The following CHST9 variants were observed in gnomAD, a reference collection of about 807,000 sequenced individuals.
CHST9 encodes GalNAc-4-sulfotransferase 2.
Under a neutral mutation model 44.4 loss-of-function variants are expected in CHST9, and 41 were observed. The ratio of observed to expected loss-of-function variants is 0.92; its 90% CI spans 0.72 to 1.20. The LOEUF (loss-of-function observed/expected upper bound fraction) is 1.20, where lower values mean the gene tolerates loss of function less well. CHST9 is among the 50% of genes most tolerant of loss of function. The pLI is 0.00. For synonymous variants in CHST9, 171 were observed against 178.4 expected (o/e 0.96, Z 0.33); for missense variants, 504 against 516.5 (o/e 0.98, Z 0.23).
intron 4 of CHST9, among the ~76,000 whole-genome samples, chr18:26,977,489 T>C (rs1460733073): frequency 2.0e-5 from 3 of 151,488 alleles, no homozygotes; most frequent in Non-Finnish European, 4.4e-5. Flanking sequence ...CTTTCATACA[T>C]GTAGAAAGCC....
chr18:27,110,561 A>G (rs1264579466), intron 2 of CHST9, among the ~76,000 whole-genome samples: 1 of 152,164 alleles, frequency 6.6e-6, no homozygotes, highest in East Asian at 1.9e-4. Context: ...TACAAAGATT[A>G]TAGGATGGTC....
chr18:27,051,413 C>T (rs561927889), intron 2 of CHST9, among the ~76,000 whole-genome samples: 1 of 152,258 alleles, frequency 6.6e-6, no homozygotes, highest in South Asian at 2.1e-4. Context: ...AGCAGGACCC[C>T]ATCTCAAAAA....
In CHST9 at chr18:27,183,026, T is replaced by A. The variant is rs2058925499; in HGVS notation, c.-97+2110A>T. Among the ~76,000 whole-genome samples the A allele has an allele frequency of 2.0e-5, 3 of 151,834 alleles. 1 individual carries two copies. The South Asian group carries it at 6.2e-4, about 32-fold the overall frequency. On this transcript the variant is annotated intron_variant, in intron 1 of 5. Transcript: ENST00000618847. ...TGCACTTCTTCAGAGCATCAAATGC[T>A]ACCCTTGTGACCAGGAAGAAAGGAA...
intron 4 of CHST9, among the ~76,000 whole-genome samples, chr18:26,987,845 C>CA (rs2056772206): frequency 6.6e-6 from 1 of 152,152 alleles, no homozygotes; most frequent in South Asian, 2.1e-4. Context: ...GAGAAATTGG[C>CA]AGTCTGCAAC....
intron 2 of CHST9, among the ~76,000 whole-genome samples, chr18:27,110,237 G>A (rs1464727574): frequency 6.6e-6 from 1 of 151,712 alleles, no homozygotes; most frequent in Non-Finnish European, 1.5e-5. Context: ...ACCACTTAGG[G>A]GTCTAAATAT....
intron 5 of CHST9, among the ~76,000 whole-genome samples, chr18:26,929,183 C>A (rs754791484): frequency 6.6e-6 from 1 of 152,098 alleles, no homozygotes; most frequent in East Asian, 1.9e-4. Flanking sequence ...CTAGATGGAA[C>A]CCTAATCCTG....
chr18:27,035,618 C>T (rs2057382950), intron 3 of CHST9, among the ~76,000 whole-genome samples: 2 of 151,656 alleles, frequency 1.3e-5, no homozygotes, highest in Non-Finnish European at 1.5e-5. Context: ...TATATAGCCT[C>T]AAAAAAAGAA....
chr18:27,069,525 A>C (rs758752995), intron 2 of CHST9, among the ~76,000 whole-genome samples: 1 of 152,222 alleles, frequency 6.6e-6, no homozygotes, highest in Admixed American at 6.5e-5. Context: ...ACTCATATTA[A>C]ATACAAAGTC....
At chr18:26,954,354 T>C (rs1273048148) in intron 4 of CHST9, among the ~76,000 whole-genome samples, 1 of 152,156 alleles carries the variant, frequency 6.6e-6, no homozygotes, top group South Asian at 2.1e-4. Flanking sequence ...ATGCATGCTG[T>C]CTAACCACAG....
At chr18:27,098,683 T>C (rs2058141745) in intron 2 of CHST9, among the ~76,000 whole-genome samples, 1 of 152,148 alleles carries the variant, frequency 6.6e-6, no homozygotes, top group Admixed American at 6.5e-5. Flanking sequence ...GCCATCATTC[T>C]CAGCAAACTA....
intron 4 of CHST9, among the ~76,000 whole-genome samples, chr18:27,021,756 A>G (rs564562857): frequency 2.6e-5 from 4 of 152,224 alleles, no homozygotes; most frequent in African/African-American, 7.2e-5. Context: ...GGTGGATACC[A>G]TATCTTTAAT....
chr18:26,941,801 C>T (rs1302800035), intron 5 of CHST9, among the ~76,000 whole-genome samples: 2 of 152,208 alleles, frequency 1.3e-5, no homozygotes, highest in Non-Finnish European at 2.9e-5. Context: ...ATCCAGCGTT[C>T]CCTCCAGAGG....
intron 5 of CHST9, among the ~76,000 whole-genome samples, chr18:26,940,016 G>A (rs888982961): frequency 6.6e-6 from 1 of 151,984 alleles, no homozygotes; most frequent in Non-Finnish European, 1.5e-5. Flanking sequence ...CCCACTTCAG[G>A]GGCTACTGGG....
At chr18:26,917,450 G>C in intron 5 of CHST9, 100 bp from the exon 6 acceptor site, 6 of 1,354,420 alleles carry the variant, frequency 4.4e-6, no homozygotes, top group Non-Finnish European at 5.0e-6. Flanking sequence ...GTATCAAGGA[G>C]AGCATATTTC....
intron 2 of CHST9, among the ~76,000 whole-genome samples, chr18:27,117,332 C>G (rs984717489): frequency 6.6e-6 from 1 of 152,122 alleles, no homozygotes; most frequent in East Asian, 1.9e-4. Flanking sequence ...CTGCCCCACA[C>G]AAGCTCAACC....
At chr18:26,999,112 T>C (rs1217424975) in intron 4 of CHST9, among the ~76,000 whole-genome samples, 1 of 152,206 alleles carries the variant, frequency 6.6e-6, no homozygotes, top group African/African-American at 2.4e-5. Flanking sequence ...AGCCTTTCTC[T>C]TGGGAAGAAA....
intron 2 of CHST9, among the ~76,000 whole-genome samples, chr18:27,062,224 CAT>C (rs1461847448): frequency 6.6e-6 from 1 of 152,076 alleles, no homozygotes; most frequent in East Asian, 1.9e-4. Flanking sequence ...AGGTTTGTTA[CAT>C]GTGTATACAT....
At chr18:27,001,377 G>T (rs1266594343) in intron 4 of CHST9, among the ~76,000 whole-genome samples, 1 of 152,182 alleles carries the variant, frequency 6.6e-6, no homozygotes, top group Non-Finnish European at 1.5e-5. Context: ...CTGAGATGCT[G>T]CATCTAGTCC....
At position 26,910,506 on chromosome 18, in the gene CHST9, A is replaced by C. The variant is rs2055426387; in HGVS notation, c.*5753T>G. ...ATTAGTGAAGAGTGTGAACAACTAGAGATCTCCAACCTCATCTAAAGGGAC... is the reference window on the plus strand; with the variant it reads ...ATTAGTGAAGAGTGTGAACAACTAGCGATCTCCAACCTCATCTAAAGGGAC... On this transcript the variant is annotated 3_prime_UTR_variant, in exon 6 of 6. Transcript: ENST00000618847. 1 of 152,220 alleles carries C rather than the reference A, an allele frequency of 6.6e-6. No homozygotes were observed. Among genetic ancestry groups the C allele is most frequent in the South Asian group, 2.1e-4 (1 of 4,822 alleles). The allele number at this position is 152,220 out of a possible 1,614,324, so 9.4% of individuals were successfully genotyped here. A position where few individuals can be genotyped will look rare whatever the true frequency, so the allele number is the denominator to read the frequency against.
Sources: allele counts gnomAD v4.1 joint callset (sites outside exome capture counted in the v4.1 genomes callset), GRCh38; gene constraint gnomAD v4.1.1; transcripts MANE v1.5; gene names NCBI Gene and HGNC (gene_info 2026-07-23, HGNC 2026-07-21).